Variants in ADAMTSL1 observed in about 807,000 individuals in gnomAD.
The protein encoded by ADAMTSL1 is ADAMTS-like protein 1.
In ADAMTSL1, 126 loss-of-function variants were observed where a neutral mutation model predicts 201.8. The observed-to-expected ratio is 0.62, with a 90% confidence interval of 0.54 to 0.72. ADAMTSL1 has a LOEUF of 0.72. ADAMTSL1 is among the 30% of genes least tolerant of loss of function. The probability of loss-of-function intolerance (pLI) is 0.00; values close to 1 mark genes in which losing one functional copy is unlikely to be tolerated. For synonymous variants in ADAMTSL1, 1,121 were observed against 903.4 expected, an observed-to-expected ratio of 1.24 and a Z score of -4.32; for missense variants, 2,679 against 2,277.8, an observed-to-expected ratio of 1.18 and a Z score of -3.59.
At chr9:18,520,537 C>T (rs1436968202) in intron 2 of ADAMTSL1, among the ~76,000 whole-genome samples, 1 of 152,018 alleles carries the variant, frequency 6.6e-6, no homozygotes, top group African/African-American at 2.4e-5. Flanking sequence ...TCAATCTGGA[C>T]CTTCACTCTC....
chr9:18,896,356 T>A (rs1056306725), intron 26 of ADAMTSL1, among the ~76,000 whole-genome samples: 1 of 152,024 alleles, frequency 6.6e-6, no homozygotes, highest in African/African-American at 2.4e-5. Flanking sequence ...CTCAATAACT[T>A]TATAAACTGA....
chr9:18,298,836 C>G (rs1211593628), intron 2 of ADAMTSL1, among the ~76,000 whole-genome samples: 4 of 151,640 alleles, frequency 2.6e-5, no homozygotes, highest in African/African-American at 9.7e-5. Context: ...ACGGTGAAAC[C>G]CCGTCTCTAT....
At chr9:18,633,712 C>A (rs1587751694) in intron 5 of ADAMTSL1, among the ~76,000 whole-genome samples, 2 of 148,496 alleles carry the variant, frequency 1.3e-5, no homozygotes, top group South Asian at 4.3e-4. Flanking sequence ...TTATATACCA[C>A]AAATTCTTAG....
At chr9:18,583,700 G>T (rs529907820) in intron 4 of ADAMTSL1, among the ~76,000 whole-genome samples, 1 of 152,256 alleles carries the variant, frequency 6.6e-6, no homozygotes, top group South Asian at 2.1e-4. Flanking sequence ...GCCCTGCAGA[G>T]CCACCAGGAC....
intron 2 of ADAMTSL1, among the ~76,000 whole-genome samples, chr9:18,310,887 A>G (rs1316083974): frequency 2.0e-5 from 3 of 152,206 alleles, no homozygotes; most frequent in African/African-American, 7.2e-5. Flanking sequence ...TCATGCTGCT[A>G]TGAAGACACA....
intron 2 of ADAMTSL1, among the ~76,000 whole-genome samples, chr9:18,177,315 A>T (rs1384738953): frequency 6.6e-6 from 1 of 152,132 alleles, no homozygotes; most frequent in African/African-American, 2.4e-5. Flanking sequence ...TATAATTGTT[A>T]TTAATAGTAG....
At chr9:18,606,423 T>C (rs1825015566) in intron 4 of ADAMTSL1, among the ~76,000 whole-genome samples, 1 of 152,198 alleles carries the variant, frequency 6.6e-6, no homozygotes, top group Admixed American at 6.5e-5. Flanking sequence ...GCTAGGTTTT[T>C]AAACAAAATG....
At chr9:18,384,350 C>T (rs950628002) in intron 2 of ADAMTSL1, among the ~76,000 whole-genome samples, 2 of 152,082 alleles carry the variant, frequency 1.3e-5, no homozygotes, top group Non-Finnish European at 2.9e-5. Context: ...GAAATCTGCC[C>T]CGTGATTCAA....
At chr9:18,545,973 C>G (rs571517652) in intron 3 of ADAMTSL1, among the ~76,000 whole-genome samples, 3 of 152,288 alleles carry the variant, frequency 2.0e-5, no homozygotes, top group Admixed American at 2.0e-4. Context: ...GCAGCATGAA[C>G]TTGTAGGTTT....
chr9:18,020,339 C>T (rs539537714), intron 1 of ADAMTSL1, among the ~76,000 whole-genome samples: 2 of 152,148 alleles, frequency 1.3e-5, no homozygotes, highest in South Asian at 4.1e-4. Flanking sequence ...TACTACCAAA[C>T]TTAGGTTGTG....
At chr9:18,235,116 A>G (rs375503521) in intron 2 of ADAMTSL1, among the ~76,000 whole-genome samples, 199 of 152,216 alleles carry the variant, frequency 1.3e-3, no homozygotes, top group African/African-American at 4.5e-3. Context: ...GTCTGGAATC[A>G]CATCCTGGAT....
At chr9:18,374,038 G>A (rs1837174237) in intron 2 of ADAMTSL1, among the ~76,000 whole-genome samples, 1 of 152,186 alleles carries the variant, frequency 6.6e-6, no homozygotes, top group Non-Finnish European at 1.5e-5. Context: ...ATCACCTGAG[G>A]AGTTTCAAAA....
chr9:18,477,274 G>T (rs964758321), intron 1 of ADAMTSL1, among the ~76,000 whole-genome samples: 2 of 152,164 alleles, frequency 1.3e-5, no homozygotes, highest in Non-Finnish European at 2.9e-5. Flanking sequence ...TTTGCCTTTT[G>T]TTTCTTTTAA....
intron 1 of ADAMTSL1, among the ~76,000 whole-genome samples, chr9:18,480,762 G>A (rs557415762): frequency 3.3e-5 from 5 of 152,152 alleles, no homozygotes; most frequent in Admixed American, 1.3e-4. Flanking sequence ...TGATCTTTGC[G>A]GTTTGCAATT....
intron 2 of ADAMTSL1, among the ~76,000 whole-genome samples, chr9:18,252,520 T>C (rs928449095): frequency 6.6e-6 from 1 of 152,186 alleles, no homozygotes; most frequent in Non-Finnish European, 1.5e-5. Context: ...AGATTACTTA[T>C]ATACCTAATA....
At chr9:17,924,769 A>T (rs1826455498) in intron 1 of ADAMTSL1, among the ~76,000 whole-genome samples, 3 of 127,602 alleles carry the variant, frequency 2.4e-5, no homozygotes, top group Admixed American at 8.6e-5. Flanking sequence ...AAACCTAGGC[A>T]TTACCATTCA....
chr9:18,634,715 A>C (rs1826989876), intron 5 of ADAMTSL1, among the ~76,000 whole-genome samples: 1 of 150,784 alleles, frequency 6.6e-6, no homozygotes, highest in Non-Finnish European at 1.5e-5. Context: ...GTGGGCGCCT[A>C]TAATCCCAGC....
intron 2 of ADAMTSL1, among the ~76,000 whole-genome samples, chr9:18,364,284 C>T (rs1347582317): frequency 1.3e-5 from 2 of 152,142 alleles, no homozygotes; most frequent in Non-Finnish European, 2.9e-5. Context: ...ACATCCTAAT[C>T]TTCCTTGTCT....
chr9:18,113,159 G>C (rs1825104293), intron 1 of ADAMTSL1, among the ~76,000 whole-genome samples: 1 of 152,098 alleles, frequency 6.6e-6, no homozygotes, highest in African/African-American at 2.4e-5. Flanking sequence ...GTGAAAAATG[G>C]GTGAAAATTG....
Sources: allele counts gnomAD v4.1 joint callset (sites outside exome capture counted in the v4.1 genomes callset), GRCh38; gene constraint gnomAD v4.1.1; transcripts MANE v1.5; gene names NCBI Gene and HGNC (gene_info 2026-07-23, HGNC 2026-07-21).